The following PLCB4 variants were observed in gnomAD, a reference collection of about 807,000 sequenced individuals.
PLCB4 encodes 1-phosphatidylinositol 4,5-bisphosphate phosphodiesterase beta-4.
Under a neutral mutation model 178.8 loss-of-function variants are expected in PLCB4, and 77 were observed. That is an observed-to-expected ratio of 0.43 (90% CI 0.36 to 0.52). The LOEUF is 0.52. Ranked by LOEUF, PLCB4 falls within the 20% of genes least tolerant of loss-of-function variation. The pLI, the probability that PLCB4 is intolerant of heterozygous loss-of-function variation, is 0.00. For missense variants in PLCB4, 1,024 were observed against 1,453.4 expected, an observed-to-expected ratio of 0.70 and a Z score of 4.80; for synonymous variants, 496 against 490.8, an observed-to-expected ratio of 1.01 and a Z score of -0.14.
In PLCB4 at chr20:9,069,194, G is replaced by A. The variant is rs1463788717; in HGVS notation, c.-147G>A. 1 of 153,102 alleles carries A rather than the reference G, an allele frequency of 6.5e-6. No homozygotes were observed. Among genetic ancestry groups the A allele is most frequent in the East Asian group, 1.9e-4 (1 of 5,166 alleles). 9.5% of individuals were successfully genotyped at this position (153,102 alleles called of 1,614,324 possible). Reference sequence around the variant, plus strand: ...CGCCGCATCCCCGGCAGCAGCTCCAGGCAAAGTGACAGGTAGGAAAAGGCA... The same window carrying A: ...CGCCGCATCCCCGGCAGCAGCTCCAAGCAAAGTGACAGGTAGGAAAAGGCA... On this transcript the variant is annotated 5_prime_UTR_variant, in exon 1 of 40. Transcript: ENST00000378473.
At chr20:9,269,302 T>C (rs2094380356) in intron 3 of PLCB4, among the ~76,000 whole-genome samples, 1 of 152,192 alleles carries the variant, frequency 6.6e-6, no homozygotes. Context: ...CAGCTAAGGA[T>C]GGAATGCTTT....
chr20:9,343,695 C>G (rs1322796701), intron 7 of PLCB4, among the ~76,000 whole-genome samples: 2 of 152,090 alleles, frequency 1.3e-5, no homozygotes, highest in Non-Finnish European at 2.9e-5. Flanking sequence ...TTCTATATAC[C>G]TTTCTCCTCT....
intron 1 of PLCB4, among the ~76,000 whole-genome samples, chr20:9,094,109 A>C (rs560193787): frequency 7.6e-4 from 115 of 152,266 alleles, no homozygotes; most frequent in Non-Finnish European, 1.5e-3. Context: ...CATCACATTG[A>C]TACTAATGAT....
intron 3 of PLCB4, among the ~76,000 whole-genome samples, chr20:9,269,956 G>A (rs6039430): frequency 4.0e-4 from 61 of 152,208 alleles, no homozygotes; most frequent in African/African-American, 1.4e-3. Context: ...AAACTCAGAT[G>A]CATAGGAGTC....
intron 28 of PLCB4, among the ~76,000 whole-genome samples, chr20:9,434,248 A>G (rs2041616849): frequency 6.6e-6 from 1 of 152,258 alleles, no homozygotes; most frequent in Non-Finnish European, 1.5e-5. Context: ...AAAATATCAG[A>G]AAGGATACAA....
Position 9,457,422 on chromosome 20 carries a change from A to G in PLCB4, c.3005A>G (p.Asn1002Ser). 1.3e-6 allele frequency: 2 copies of G among 1,504,606 alleles called. No homozygotes were observed. Among genetic ancestry groups the G allele is most frequent in the Non-Finnish European group, 1.9e-6 (2 of 1,080,260 alleles). 93.2% of individuals were successfully genotyped at this position (1,504,606 alleles called of 1,614,324 possible). Reference sequence around the variant, plus strand: ...CAACTTTCCATTTTCAGGGGAAGTAATTGTCTCGAAATGAAAAAAGAAACA... The same window carrying G: ...CAACTTTCCATTTTCAGGGGAAGTAGTTGTCTCGAAATGAAAAAAGAAACA... ...EKAMKKKGGS[N>S]CLEMKKETEI... is the part of the protein sequence containing the mutation. Residue 1002 changes from asparagine (N) to serine (S), a missense_variant, in exon 34 of 40, where the codon AAT becomes AGT. Asn to Ser is a conservative substitution (Grantham distance 46). Coordinates refer to ENST00000378473, the MANE Select transcript of PLCB4 (RefSeq NM_001377142.1).
intron 3 of PLCB4, among the ~76,000 whole-genome samples, chr20:9,273,675 AGTGTGTGTGTGTGTGT>A (rs398035325): frequency 8.8e-5 from 12 of 135,852 alleles, no homozygotes; most frequent in South Asian, 2.5e-4. Context: ...TTATGGTTGC[AGTGTGTGTGTGTGTGT>A]GTGTGTGTGT....
chr20:9,443,676 C>A (rs894650895), intron 30 of PLCB4, among the ~76,000 whole-genome samples: 9 of 152,168 alleles, frequency 5.9e-5, no homozygotes, highest in Non-Finnish European at 1.3e-4. Context: ...CCTTGTTCCT[C>A]TGCCCTGCTC....
At chr20:9,290,168 GA>G (rs1429051978) in intron 3 of PLCB4, among the ~76,000 whole-genome samples, 17 of 110,590 alleles carry the variant, frequency 1.5e-4, no homozygotes, top group East Asian at 8.3e-4. Context: ...TATCCTTTCA[GA>G]AAAAAAAAAC....
intron 2 of PLCB4, among the ~76,000 whole-genome samples, chr20:9,204,315 T>C (rs2093589370): frequency 6.6e-6 from 1 of 152,056 alleles, no homozygotes; most frequent in Admixed American, 6.6e-5. Context: ...AGATTCAAGT[T>C]GGTACCACTT....
intron 21 of PLCB4, 82 bp from the exon 22 acceptor site, chr20:9,407,834 TC>T: frequency 8.4e-7 from 1 of 1,193,590 alleles, no homozygotes; most frequent in South Asian, 1.6e-5. Flanking sequence ...TGTGCAATTA[TC>T]TTTATTAAGG....
chr20:9,195,491 A>C (rs747328333), intron 2 of PLCB4, among the ~76,000 whole-genome samples: 6 of 152,252 alleles, frequency 3.9e-5, no homozygotes, highest in African/African-American at 4.8e-5. Context: ...TCACCAGTGC[A>C]GGTGGGTATC....
chr20:9,224,298 A>T (rs895471065), intron 3 of PLCB4, among the ~76,000 whole-genome samples: 1 of 152,128 alleles, frequency 6.6e-6, no homozygotes, highest in Non-Finnish European at 1.5e-5. Context: ...CCTTCTATAC[A>T]GTGGCTCTCT....
intron 3 of PLCB4, among the ~76,000 whole-genome samples, chr20:9,248,487 C>T (rs1373358938): frequency 3.9e-5 from 6 of 152,134 alleles, no homozygotes; most frequent in Admixed American, 2.6e-4. Context: ...CTTGAAGTTC[C>T]TGGAGCATAC....
At chr20:9,190,580 G>T (rs971457274) in intron 2 of PLCB4, among the ~76,000 whole-genome samples, 39 of 152,142 alleles carry the variant, frequency 2.6e-4, no homozygotes, top group Non-Finnish European at 5.3e-4. Context: ...GCTGGGGTTG[G>T]TCAGGAGTGA....
chr20:9,358,701 C>G (rs2035053148), intron 7 of PLCB4, among the ~76,000 whole-genome samples: 1 of 152,104 alleles, frequency 6.6e-6, no homozygotes, highest in Non-Finnish European at 1.5e-5. Context: ...TCAACACACC[C>G]TGGCCGACAT....
chr20:9,250,325 C>T (rs1335766182), intron 3 of PLCB4, among the ~76,000 whole-genome samples: 1 of 152,216 alleles, frequency 6.6e-6, no homozygotes, highest in Non-Finnish European at 1.5e-5. Flanking sequence ...ACCCACAAAC[C>T]TTCCTTAAAC....
intron 2 of PLCB4, among the ~76,000 whole-genome samples, chr20:9,102,710 T>A (rs1046156131): frequency 6.6e-6 from 1 of 151,908 alleles, no homozygotes; most frequent in African/African-American, 2.4e-5. Context: ...ATATACCTAC[T>A]TTTTCCTCTT....
intron 4 of PLCB4, among the ~76,000 whole-genome samples, chr20:9,310,735 A>T (rs2094823843): frequency 6.6e-6 from 1 of 152,116 alleles, no homozygotes; most frequent in Admixed American, 6.6e-5. Flanking sequence ...AAATAAATAA[A>T]AAAAGGGAGC....
Sources: allele counts gnomAD v4.1 joint callset (sites outside exome capture counted in the v4.1 genomes callset), GRCh38; gene constraint gnomAD v4.1.1; transcripts MANE v1.5; gene names NCBI Gene and HGNC (gene_info 2026-07-23, HGNC 2026-07-21).